Variants in AJAP1 observed in about 807,000 individuals in gnomAD.
AJAP1 encodes the protein adherens junction-associated protein 1.
Under a neutral mutation model 35.0 loss-of-function variants are expected in AJAP1, and 5 were observed. That is an observed-to-expected ratio of 0.14 (90% confidence interval 0.07 to 0.30). The LOEUF (loss-of-function observed/expected upper bound fraction) is 0.30, where lower values mean the gene tolerates loss of function less well. Ranked by LOEUF, AJAP1 falls within the 10% of genes least tolerant of loss-of-function variation. The probability of loss-of-function intolerance (pLI) is 1.00; values close to 1 mark genes in which losing one functional copy is unlikely to be tolerated. For missense variants in AJAP1, 586 were observed against 571.0 expected (o/e 1.03, Z -0.27); for synonymous variants, 284 against 249.3 (o/e 1.14, Z -1.31).
chr1:4,691,444 G>A (rs551771485), intron 1 of AJAP1, among the ~76,000 whole-genome samples: 41 of 152,380 alleles, frequency 2.7e-4, no homozygotes, highest in Non-Finnish European at 4.8e-4. Context: ...TTAGGTGACA[G>A]GTATCTCTGC....
At chr1:4,681,924 G>A (rs574347179) in intron 1 of AJAP1, among the ~76,000 whole-genome samples, 1 of 152,330 alleles carries the variant, frequency 6.6e-6, no homozygotes, top group South Asian at 2.1e-4. Flanking sequence ...CCAGTTCCAG[G>A]TGCTGCTCTG....
In AJAP1 at chr1:4,782,309, C is replaced by T. The variant is rs1642079361; in HGVS notation, c.*60-236C>T. Among the ~76,000 whole-genome samples, 2 of 152,134 alleles carry T rather than the reference C, an allele frequency of 1.3e-5. No individual in the cohort carries two copies. Among genetic ancestry groups the T allele is most frequent in the South Asian group, 4.1e-4 (2 of 4,820 alleles). On this transcript the variant is annotated intron_variant, in intron 5 of 5. Transcript: ENST00000378191. This position sits in a 1 kb window ranked among gnomAD's most constrained non-coding sequence, Gnocchi z 5.3. ...ACCAGAATTCCACAAGGTTCAGGCT[C>T]CCACTTCATACCCTTGGGATTCCCA...
chr1:4,686,862 C>T (rs1639618530), intron 1 of AJAP1, among the ~76,000 whole-genome samples: 1 of 152,200 alleles, frequency 6.6e-6, no homozygotes, highest in Admixed American at 6.5e-5. Flanking sequence ...TTCTCTGATG[C>T]ACTCACTTTT....
At chr1:4,673,818 C>T (rs530583348) in intron 1 of AJAP1, among the ~76,000 whole-genome samples, 5 of 152,018 alleles carry the variant, frequency 3.3e-5, no homozygotes, top group Non-Finnish European at 7.4e-5. Context: ...GTCCTCTGAT[C>T]AAGGCTTTAT....
chr1:4,680,281 G>A (rs1639453906), intron 1 of AJAP1, among the ~76,000 whole-genome samples: 1 of 152,140 alleles, frequency 6.6e-6, no homozygotes, highest in African/African-American at 2.4e-5. Context: ...CCACACATCT[G>A]GGCACCCCGT....
chr1:4,688,179 C>T (rs1029962704), intron 1 of AJAP1, among the ~76,000 whole-genome samples: 1 of 152,194 alleles, frequency 6.6e-6, no homozygotes, highest in South Asian at 2.1e-4. Flanking sequence ...CGGAGCGCCC[C>T]GTAGTCTTGG....
intron 1 of AJAP1, among the ~76,000 whole-genome samples, chr1:4,702,666 C>G (rs867907715): frequency 1.3e-5 from 2 of 152,150 alleles, no homozygotes; most frequent in Non-Finnish European, 2.9e-5. Flanking sequence ...GCAGGGAGTG[C>G]TCCTCCCTGT....
chr1:4,674,742 C>T (rs1030759240), intron 1 of AJAP1, among the ~76,000 whole-genome samples: 4 of 152,158 alleles, frequency 2.6e-5, no homozygotes, highest in Non-Finnish European at 5.9e-5. Context: ...AGGGATCGGT[C>T]GGGGCCCAGG....
intron 1 of AJAP1, among the ~76,000 whole-genome samples, chr1:4,696,930 CGT>C (rs945192224): frequency 1.1e-4 from 17 of 149,652 alleles, no homozygotes; most frequent in African/African-American, 2.5e-4. Context: ...GTTCTGTGTG[CGT>C]GTGTGTCTCT....
At chr1:4,778,037 TTATGTATG>T (rs769507329) in intron 5 of AJAP1, among the ~76,000 whole-genome samples, 2 of 152,202 alleles carry the variant, frequency 1.3e-5, no homozygotes, top group Non-Finnish European at 2.9e-5. Flanking sequence ...TGTATTTATT[TTATGTATG>T]TATGTATGTA....
intron 1 of AJAP1, among the ~76,000 whole-genome samples, chr1:4,701,574 T>A (rs1441352026): frequency 2.0e-5 from 3 of 152,178 alleles, no homozygotes; most frequent in Non-Finnish European, 4.4e-5. Flanking sequence ...TGGTCTTTTG[T>A]GGTGGAGTCT....
At chr1:4,761,815 T>G (rs1641572808) in intron 2 of AJAP1, among the ~76,000 whole-genome samples, 1 of 152,196 alleles carries the variant, frequency 6.6e-6, no homozygotes, top group African/African-American at 2.4e-5. Flanking sequence ...TAAACCCATC[T>G]AGTCTTCTCA....
chr1:4,699,442 G>A (rs1639939171), intron 1 of AJAP1, among the ~76,000 whole-genome samples: 1 of 152,190 alleles, frequency 6.6e-6, no homozygotes. Flanking sequence ...AACCAAAATA[G>A]ATATTTCCTA....
intron 1 of AJAP1, among the ~76,000 whole-genome samples, chr1:4,698,660 C>T (rs549897866): frequency 3.3e-5 from 5 of 152,318 alleles, no homozygotes; most frequent in Admixed American, 6.5e-5. Flanking sequence ...TCGGTGTGAC[C>T]GTCACACATG....
rs377199222 is a variant in AJAP1, at chr1:4,669,292, T to C, written c.29+13838T>C. ...TTTTGGACATTTTATATAAATGAGA[T>C]CATACAATTAATACATTCTTATACT... On this transcript the variant is annotated intron_variant, in intron 1 of 5. Coordinates refer to ENST00000378191, the MANE Select transcript of AJAP1 (RefSeq NM_018836.4). Among the ~76,000 whole-genome samples, 12 of 152,318 alleles carry C rather than the reference T, an allele frequency of 7.9e-5. No homozygotes were observed. In the South Asian group the frequency reaches 2.3e-3, roughly 29 times the overall value.
At chr1:4,714,482 G>A (rs1640343185) in intron 2 of AJAP1, among the ~76,000 whole-genome samples, 1 of 152,146 alleles carries the variant, frequency 6.6e-6, no homozygotes, top group East Asian at 1.9e-4. Context: ...CATGGATGAG[G>A]AAACAAGTTC....
intron 1 of AJAP1, among the ~76,000 whole-genome samples, chr1:4,664,786 CA>C (rs1308945505): frequency 6.6e-6 from 1 of 152,140 alleles, no homozygotes; most frequent in Non-Finnish European, 1.5e-5. Context: ...AGACAGAAGT[CA>C]GTATCCTGCT....
chr1:4,702,964 C>T (rs1333047945), intron 1 of AJAP1, among the ~76,000 whole-genome samples: 3 of 152,168 alleles, frequency 2.0e-5, no homozygotes, highest in Non-Finnish European at 4.4e-5. Context: ...AGAAAGCCTT[C>T]TTGTGTTCTG....
intron 1 of AJAP1, among the ~76,000 whole-genome samples, chr1:4,708,365 G>A (rs1181048397): frequency 4.6e-5 from 7 of 152,276 alleles, no homozygotes; most frequent in South Asian, 4.1e-4. Flanking sequence ...GGTTGGTGCT[G>A]TGGTCGGCAG....
Sources: allele counts gnomAD v4.1 joint callset (sites outside exome capture counted in the v4.1 genomes callset), GRCh38; gene constraint gnomAD v4.1.1; non-coding constraint Gnocchi (gnomAD v3.1); transcripts MANE v1.5; gene names NCBI Gene and HGNC (gene_info 2026-07-23, HGNC 2026-07-21).